Variants in CSGALNACT1 observed in about 807,000 individuals in gnomAD.
CSGALNACT1 encodes beta4GalNAcT-1.
CSGALNACT1 carries 52 observed loss-of-function variants against 51.0 expected under a neutral mutation model. The ratio of observed to expected loss-of-function variants is 1.02; its 90% CI spans 0.82 to 1.29. The LOEUF (loss-of-function observed/expected upper bound fraction) is 1.29. CSGALNACT1 is among the 50% of genes most tolerant of loss of function. The probability of loss-of-function intolerance (pLI) is 0.00; values close to 1 mark genes in which losing one functional copy is unlikely to be tolerated. For missense variants in CSGALNACT1, 935 were observed against 679.2 expected (o/e 1.38, Z -4.19); for synonymous variants, 341 against 254.4 (o/e 1.34, Z -3.24).
intron 3 of CSGALNACT1, among the ~76,000 whole-genome samples, chr8:19,546,027 C>T (rs1326674877): frequency 1.3e-5 from 2 of 151,886 alleles, no homozygotes; most frequent in Non-Finnish European, 2.9e-5. Flanking sequence ...TTAGGTCATA[C>T]AGTTGTCATA....
At chr8:19,433,319 A>G (rs2059915667) in intron 6 of CSGALNACT1, among the ~76,000 whole-genome samples, 1 of 152,180 alleles carries the variant, frequency 6.6e-6, no homozygotes, top group African/African-American at 2.4e-5. Context: ...CAGAGCCTGA[A>G]GGTCAGCCAC....
chr8:19,744,470 G>A (rs1002565362), intron 1 of CSGALNACT1, among the ~76,000 whole-genome samples: 7 of 152,192 alleles, frequency 4.6e-5, no homozygotes, highest in African/African-American at 1.4e-4. Context: ...AATCGTTTCA[G>A]CTAGGTAATT....
intron 4 of CSGALNACT1, among the ~76,000 whole-genome samples, chr8:19,469,524 G>A (rs768040935): frequency 6.6e-6 from 1 of 152,192 alleles, no homozygotes; most frequent in Non-Finnish European, 1.5e-5. Context: ...AAAATGATAA[G>A]GGATGAAGGG....
chr8:19,450,801 T>A (rs368416726), intron 5 of CSGALNACT1, among the ~76,000 whole-genome samples: 11 of 151,982 alleles, frequency 7.2e-5, no homozygotes, highest in African/African-American at 2.7e-4. Context: ...CCCCAGCTAC[T>A]CAGGAGTCTG....
chr8:19,480,558 A>G (rs2071082255), intron 4 of CSGALNACT1, among the ~76,000 whole-genome samples: 1 of 152,108 alleles, frequency 6.6e-6, no homozygotes, highest in African/African-American at 2.4e-5. Context: ...CGCTGTTGTG[A>G]GTAGTGCTGC....
intron 3 of CSGALNACT1, among the ~76,000 whole-genome samples, chr8:19,555,188 G>A (rs976749586): frequency 3.3e-5 from 5 of 150,378 alleles, no homozygotes; most frequent in Admixed American, 1.3e-4. Flanking sequence ...GAAATGAGCC[G>A]AGATCGCGCC....
intron 8 of CSGALNACT1, among the ~76,000 whole-genome samples, chr8:19,414,360 G>A (rs2056464098): frequency 6.6e-6 from 1 of 152,160 alleles, no homozygotes; most frequent in African/African-American, 2.4e-5. Flanking sequence ...GACCTAAACA[G>A]GAACTGGCAA....
intron 3 of CSGALNACT1, chr8:19,587,752 G>A (rs571786726): frequency 6.6e-6 from 1 of 152,282 alleles, no homozygotes; most frequent in East Asian, 1.9e-4. Context: ...ACGGGGCCTG[G>A]AATGCCACAG....
At chr8:19,620,800 G>C (rs1196168290) in intron 1 of CSGALNACT1, among the ~76,000 whole-genome samples, 1 of 152,084 alleles carries the variant, frequency 6.6e-6, no homozygotes, top group East Asian at 1.9e-4. Context: ...TAGTGGGTGA[G>C]AAAGAATATT....
chr8:19,436,523 G>T (rs1009996043), intron 6 of CSGALNACT1, among the ~76,000 whole-genome samples: 4 of 152,132 alleles, frequency 2.6e-5, no homozygotes, highest in African/African-American at 9.7e-5. Flanking sequence ...ACATTATTCA[G>T]AAATAAGATA....
intron 1 of CSGALNACT1, among the ~76,000 whole-genome samples, chr8:19,742,522 G>C (rs1304937021): frequency 1.3e-5 from 2 of 152,202 alleles, no homozygotes; most frequent in Non-Finnish European, 2.9e-5. Flanking sequence ...GACCTGGTCT[G>C]GCCCAGCTGC....
At chr8:19,705,667 G>A (rs941856462) in intron 1 of CSGALNACT1, among the ~76,000 whole-genome samples, 1 of 152,104 alleles carries the variant, frequency 6.6e-6, no homozygotes, top group African/African-American at 2.4e-5. Context: ...AGCCGGGGAG[G>A]GGGAGGCTGC....
intron 1 of CSGALNACT1, among the ~76,000 whole-genome samples, chr8:19,707,415 T>C (rs996461566): frequency 2.6e-5 from 4 of 152,162 alleles, no homozygotes; most frequent in Non-Finnish European, 4.4e-5. Flanking sequence ...TAATACAGTA[T>C]CAGACATGCA....
At chr8:19,514,658 C>G (rs1443459096) in intron 3 of CSGALNACT1, among the ~76,000 whole-genome samples, 1 of 135,632 alleles carries the variant, frequency 7.4e-6, no homozygotes, top group Non-Finnish European at 1.6e-5. Flanking sequence ...CCGTCTCTAC[C>G]AAAAAAAAAA....
At chr8:19,447,123 G>A (rs772877308) in intron 5 of CSGALNACT1, among the ~76,000 whole-genome samples, 28 of 152,202 alleles carry the variant, frequency 1.8e-4, no homozygotes, top group Non-Finnish European at 3.5e-4. Context: ...GCATACAGGT[G>A]AGGGAAGGAG....
intron 1 of CSGALNACT1, among the ~76,000 whole-genome samples, chr8:19,648,933 CAG>C (rs1174695340): frequency 1.3e-5 from 2 of 152,182 alleles, no homozygotes; most frequent in African/African-American, 4.8e-5. Context: ...CCTAATAAAT[CAG>C]ACTCTACAGT....
At chr8:19,470,682 A>G (rs1258440673) in intron 4 of CSGALNACT1, among the ~76,000 whole-genome samples, 2 of 152,270 alleles carry the variant, frequency 1.3e-5, no homozygotes, top group East Asian at 1.9e-4. Flanking sequence ...GCCTCTCTAA[A>G]AATGAAAATT....
chr8:19,435,118 G>C (rs777038822), intron 6 of CSGALNACT1, among the ~76,000 whole-genome samples: 5 of 152,148 alleles, frequency 3.3e-5, no homozygotes, highest in Non-Finnish European at 5.9e-5. Context: ...TCATGTCCTT[G>C]CTCCTGGGCA....
intron 1 of CSGALNACT1, among the ~76,000 whole-genome samples, chr8:19,659,300 G>A (rs2058564503): frequency 6.6e-6 from 1 of 152,090 alleles, no homozygotes; most frequent in South Asian, 2.1e-4. Flanking sequence ...ATTTCCCATT[G>A]GTCACTCTTG....
Sources: allele counts gnomAD v4.1 joint callset (sites outside exome capture counted in the v4.1 genomes callset), GRCh38; gene constraint gnomAD v4.1.1; transcripts MANE v1.5; gene names NCBI Gene and HGNC (gene_info 2026-07-23, HGNC 2026-07-21).